Variants in NMBR observed in about 807,000 individuals in gnomAD.
NMBR encodes the protein neuromedin-B receptor.
In NMBR, 16 loss-of-function variants were observed where a neutral mutation model predicts 20.5. The observed-to-expected ratio is 0.78, with a 90% CI of 0.53 to 1.19. The LOEUF (loss-of-function observed/expected upper bound fraction) is 1.19, where lower values mean the gene tolerates loss of function less well. Among genes scored for constraint, NMBR ranks in the 50% most tolerant of loss-of-function variants. The probability of loss-of-function intolerance (pLI) is 0.00; values close to 1 mark genes in which losing one functional copy is unlikely to be tolerated. For synonymous variants in NMBR, 212 were observed against 196.6 expected (o/e 1.08, Z -0.65); for missense variants, 582 against 499.1 (o/e 1.17, Z -1.58).
At chr6:142,126,915 G>A (rs1397584658) in intron 1 of NMBR, among the ~76,000 whole-genome samples, 1 of 150,678 alleles carries the variant, frequency 6.6e-6, no homozygotes, top group Admixed American at 6.6e-5. Context: ...ATTTAGTTTT[G>A]GTTTTGAAGG....
chr6:142,101,448 C>T (rs1050999421), intron 1 of NMBR, among the ~76,000 whole-genome samples: 9 of 152,058 alleles, frequency 5.9e-5, no homozygotes, highest in Admixed American at 1.3e-4. Flanking sequence ...GTCTCAAAAC[C>T]CATTGGGAAA....
At chr6:142,138,070 C>T (rs1778294871) in intron 1 of NMBR, among the ~76,000 whole-genome samples, 1 of 151,768 alleles carries the variant, frequency 6.6e-6, no homozygotes, top group African/African-American at 2.4e-5. Flanking sequence ...TTAAGTTAGA[C>T]TTCCTCAATA....
At chr6:142,121,552 T>C (rs1562244171) in intron 1 of NMBR, among the ~76,000 whole-genome samples, 1 of 151,982 alleles carries the variant, frequency 6.6e-6, no homozygotes, top group African/African-American at 2.4e-5. Flanking sequence ...GGGAAAATTA[T>C]AGTGGTCTGG....
rs1270475819 is a variant in NMBR at position 142,088,584 on chromosome 6, C to T, written c.75G>A (p.Trp25Ter). Residue 25 changes from tryptophan to a stop codon, truncating the protein, a stop_gained, in exon 2 of 4, where the codon TGG becomes TGA. Coordinates refer to ENST00000258042, the MANE Select transcript of NMBR (RefSeq NM_002511.4). LOFTEE classifies it high-confidence loss of function. ...CCGAGGCCGGCAGGAAATCCCTTTCCCACCCCTCGGGAACGGAACCGCTCT... is the reference window on the plus strand; with the variant it reads ...CCGAGGCCGGCAGGAAATCCCTTTCTCACCCCTCGGGAACGGAACCGCTCT... ...ANESGSVPEG[W>*]ERDFLPASDG... 1.2e-6 allele frequency: 2 copies of T among 1,613,258 alleles called. No individual in the cohort carries two copies. The highest frequency in any genetic ancestry group is 1.7e-5 in the Admixed American group (1 of 59,998).
chr6:142,088,795 A>G lies in NMBR; in HGVS notation c.-137T>C. 1.3e-6 allele frequency: 1 copy of G among 741,756 alleles called. No individual in the cohort carries two copies. Among genetic ancestry groups the G allele is most frequent in the Non-Finnish European group, 2.2e-6 (1 of 463,234 alleles). The allele number at this position is 741,756 out of a possible 1,614,324, so 45.9% of individuals were successfully genotyped here. On this transcript the variant is annotated 5_prime_UTR_variant, in exon 2 of 4. Transcript: ENST00000258042. ...TTACTGTCCGCGGGGCAAGCCTCAC[A>G]GCACCACGTCCCTAAGAGTTCAGGA...
At chr6:142,108,875 A>G (rs992971057) in intron 1 of NMBR, among the ~76,000 whole-genome samples, 8 of 152,228 alleles carry the variant, frequency 5.3e-5, no homozygotes, top group Non-Finnish European at 1.2e-4. Flanking sequence ...GAGACAAGGC[A>G]AGTTCCTTTC....
At chr6:142,086,038 A>C (rs1387177574) in intron 2 of NMBR, among the ~76,000 whole-genome samples, 2 of 142,098 alleles carry the variant, frequency 1.4e-5, no homozygotes, top group Non-Finnish European at 3.1e-5. Flanking sequence ...TTTTTTTTTA[A>C]TGCTTGGGTG....
chr6:142,110,660 T>A (rs1777746347), intron 1 of NMBR, among the ~76,000 whole-genome samples: 1 of 152,172 alleles, frequency 6.6e-6, no homozygotes, highest in Non-Finnish European at 1.5e-5. Flanking sequence ...GTGACAGTTG[T>A]ACACTCTGTG....
intron 1 of NMBR, among the ~76,000 whole-genome samples, chr6:142,131,524 G>T (rs930328430): frequency 1.3e-5 from 2 of 152,136 alleles, no homozygotes; most frequent in Admixed American, 1.3e-4. Flanking sequence ...AGAAACACAG[G>T]TTGTCACTCC....
intron 1 of NMBR, among the ~76,000 whole-genome samples, chr6:142,095,575 T>C (rs941242495): frequency 6.6e-6 from 1 of 152,186 alleles, no homozygotes; most frequent in African/African-American, 2.4e-5. Flanking sequence ...TTGAGGATTT[T>C]TGCATTGATG....
chr6:142,121,812 G>A (rs757713560), intron 1 of NMBR, among the ~76,000 whole-genome samples: 3 of 151,590 alleles, frequency 2.0e-5, no homozygotes, highest in South Asian at 2.1e-4. Flanking sequence ...ATTTAATTAC[G>A]TGCTTACTTA....
chr6:142,112,800 A>G (rs945496278), intron 1 of NMBR, among the ~76,000 whole-genome samples: 1 of 152,190 alleles, frequency 6.6e-6, no homozygotes, highest in Non-Finnish European at 1.5e-5. Flanking sequence ...GTATAGGTAC[A>G]GTTACCAGAG....
intron 1 of NMBR, among the ~76,000 whole-genome samples, chr6:142,116,421 G>A (rs1458893952): frequency 6.6e-6 from 1 of 151,872 alleles, no homozygotes; most frequent in Non-Finnish European, 1.5e-5. Context: ...GGCCCTCAAG[G>A]AGCTCTATTT....
At chr6:142,118,334 C>T (rs181965857) in intron 1 of NMBR, among the ~76,000 whole-genome samples, 3 of 152,054 alleles carry the variant, frequency 2.0e-5, no homozygotes, top group East Asian at 1.9e-4. Context: ...TTAATGCAAA[C>T]GTTTCACATT....
intron 1 of NMBR, among the ~76,000 whole-genome samples, chr6:142,142,088 A>C (rs550295723): frequency 7.9e-4 from 121 of 152,320 alleles, no homozygotes; most frequent in African/African-American, 2.8e-3. Flanking sequence ...TAGGTCAATA[A>C]GTTTTTGATA....
intron 1 of NMBR, among the ~76,000 whole-genome samples, chr6:142,102,625 G>A (rs565107376): frequency 6.6e-6 from 1 of 152,250 alleles, no homozygotes; most frequent in Admixed American, 6.5e-5. Context: ...TCCTAACAAT[G>A]TTCTCTTTAA....
intron 1 of NMBR, among the ~76,000 whole-genome samples, chr6:142,143,743 AC>A (rs1778390211): frequency 6.6e-6 from 1 of 151,924 alleles, no homozygotes; most frequent in African/African-American, 2.4e-5. Context: ...ATATGGAAAT[AC>A]AGGAGATGTA....
At chr6:142,146,557 TAA>T (rs1204493629) in intron 1 of NMBR, among the ~76,000 whole-genome samples, 3 of 151,932 alleles carry the variant, frequency 2.0e-5, no homozygotes, top group Non-Finnish European at 4.4e-5. Flanking sequence ...TATCTTACAT[TAA>T]GACAAGATAA....
intron 1 of NMBR, among the ~76,000 whole-genome samples, chr6:142,123,661 G>C (rs1777983655): frequency 6.6e-6 from 1 of 151,854 alleles, no homozygotes; most frequent in South Asian, 2.1e-4. Context: ...CTACATCAAG[G>C]CGAGACCCTC....
Sources: allele counts gnomAD v4.1 joint callset (sites outside exome capture counted in the v4.1 genomes callset), GRCh38; gene constraint gnomAD v4.1.1; transcripts MANE v1.5; gene names NCBI Gene and HGNC (gene_info 2026-07-23, HGNC 2026-07-21).